CCDC102B: variants seen among roughly 807,000 people sequenced by gnomAD.
CCDC102B encodes the protein coiled-coil domain-containing protein 102B.
CCDC102B carries 75 observed loss-of-function variants against 57.4 expected under a neutral mutation model. The observed-to-expected ratio is 1.31, with a 90% CI of 1.08 to 1.58. The LOEUF is 1.58. Ranked by LOEUF, CCDC102B falls within the 40% of genes most tolerant of loss-of-function variation. CCDC102B has a pLI of 0.00. For missense variants in CCDC102B, 636 were observed against 582.6 expected (o/e 1.09, Z -0.94); for synonymous variants, 206 against 201.9 (o/e 1.02, Z -0.17).
At chr18:69,051,622 TA>T (rs1218860944) in intron 7 of CCDC102B, among the ~76,000 whole-genome samples, 1 of 151,978 alleles carries the variant, frequency 6.6e-6, no homozygotes, top group African/African-American at 2.4e-5. Flanking sequence ...CTATTGTATG[TA>T]AAACTTTATA....
chr18:68,957,083 T>C (rs1211583649), intron 6 of CCDC102B, among the ~76,000 whole-genome samples: 1 of 152,108 alleles, frequency 6.6e-6, no homozygotes, highest in Admixed American at 6.6e-5. Context: ...CTAGGTTGCC[T>C]TTTCACTTTG....
intron 2 of CCDC102B, among the ~76,000 whole-genome samples, chr18:68,731,341 A>T (rs759929266): frequency 7.9e-5 from 12 of 151,982 alleles, no homozygotes; most frequent in Non-Finnish European, 1.5e-4. Context: ...ATGATCACAA[A>T]CCCCTATAAT....
intron 2 of CCDC102B, among the ~76,000 whole-genome samples, chr18:68,735,183 C>A (rs1340281224): frequency 6.6e-6 from 1 of 151,834 alleles, no homozygotes; most frequent in Non-Finnish European, 1.5e-5. Flanking sequence ...TCCTGAGTAA[C>A]TGAGACTACA....
At chr18:68,853,268 C>CT (rs1474708986) in intron 4 of CCDC102B, among the ~76,000 whole-genome samples, 1 of 151,992 alleles carries the variant, frequency 6.6e-6, no homozygotes, top group East Asian at 1.9e-4. Flanking sequence ...ATAAAATATA[C>CT]TTTTTTAAGA....
intron 4 of CCDC102B, among the ~76,000 whole-genome samples, chr18:68,858,462 C>G (rs1214428025): frequency 2.6e-5 from 4 of 152,088 alleles, no homozygotes; most frequent in African/African-American, 7.2e-5. Context: ...AATTTCTGGT[C>G]ATTATATTTT....
chr18:69,010,292 A>AT (rs1488562057), intron 6 of CCDC102B, among the ~76,000 whole-genome samples: 3 of 151,800 alleles, frequency 2.0e-5, no homozygotes, highest in African/African-American at 7.3e-5. Context: ...TACACTGTAA[A>AT]TTTTTACTAA....
chr18:68,997,646 G>A (rs1195836323), intron 6 of CCDC102B, among the ~76,000 whole-genome samples: 2 of 151,734 alleles, frequency 1.3e-5, no homozygotes, highest in African/African-American at 4.8e-5. Flanking sequence ...TGCATTTCAT[G>A]TTATTTAATT....
rs139160920 is a variant in CCDC102B, at chr18:68,815,677, T to TACATACACACACACACAC, written c.-16+17499_-16+17500insTACACACACACACACACA. 2.8e-4 allele frequency among the ~76,000 whole-genome samples: 42 copies of TACATACACACACACACAC among 149,178 alleles called. 1 individual carries two copies. Among genetic ancestry groups the TACATACACACACACACAC allele is most frequent in the African/African-American group, 9.0e-4 (36 of 40,166 alleles). On this transcript the variant is annotated intron_variant, in intron 1 of 7. Coordinates refer to ENST00000360242, the MANE Select transcript of CCDC102B (RefSeq NM_024781.3). ...CAGCCACCCTTCACCTCCATTTACA[T>TACATACACACACACACAC]ACACACACACACACACACACACACA...
chr18:68,903,111 A>C (rs544655100), intron 6 of CCDC102B, among the ~76,000 whole-genome samples: 1 of 152,324 alleles, frequency 6.6e-6, no homozygotes, highest in South Asian at 2.1e-4. Context: ...TAGGCTCTAG[A>C]AGTCAGGATG....
intron 6 of CCDC102B, among the ~76,000 whole-genome samples, chr18:68,988,332 G>C (rs962655811): frequency 6.6e-6 from 1 of 152,096 alleles, no homozygotes; most frequent in Non-Finnish European, 1.5e-5. Context: ...TTATAAGTGG[G>C]AGATAAACTT....
intron 7 of CCDC102B, among the ~76,000 whole-genome samples, chr18:69,014,496 G>A (rs541130940): frequency 6.3e-4 from 96 of 152,218 alleles, no homozygotes; most frequent in Middle Eastern, 6.8e-3. Flanking sequence ...CATCTACCAA[G>A]TAGATTCCAT....
chr18:68,870,183 C>T (rs1236182071), intron 4 of CCDC102B, among the ~76,000 whole-genome samples: 2 of 151,882 alleles, frequency 1.3e-5, no homozygotes, highest in South Asian at 2.1e-4. Context: ...CATCACACAC[C>T]GGAGCCTGTC....
chr18:68,790,184 C>G (rs1481519413), intron 2 of CCDC102B, among the ~76,000 whole-genome samples: 7 of 151,336 alleles, frequency 4.6e-5, no homozygotes, highest in Admixed American at 2.0e-4. Flanking sequence ...GCAGTCTGCC[C>G]ATTCTCAGAT....
At chr18:68,884,583 TAC>T (rs35333428) in intron 5 of CCDC102B, among the ~76,000 whole-genome samples, 22,575 of 147,768 alleles carry the variant, frequency 0.15, 2,593 homozygotes, top group African/African-American at 0.32. Context: ...ACAATACAAA[TAC>T]ACACACACAC....
At chr18:68,976,808 C>CT (rs1302022279) in intron 6 of CCDC102B, among the ~76,000 whole-genome samples, 3 of 151,366 alleles carry the variant, frequency 2.0e-5, no homozygotes, top group Non-Finnish European at 3.0e-5. Flanking sequence ...TTTCCTTGGC[C>CT]TTTTTTTTAC....
intron 2 of CCDC102B, chr18:68,734,752 C>CA (rs1384764853): frequency 1.3e-5 from 2 of 152,094 alleles, no homozygotes; most frequent in African/African-American, 4.8e-5. Flanking sequence ...AGGATGAAGA[C>CA]AAAGTGTGTG....
chr18:68,821,111 A>G lies in CCDC102B; in HGVS notation c.-15-15638A>G, dbSNP rs376495394. ...TATTATGTAGAGGATGTCCCAAAGT[A>G]TTGGAGTTTGGTGATCCAAAAGCAA... On this transcript the variant is annotated intron_variant, in intron 1 of 7. Transcript: ENST00000360242. 1.3e-3 allele frequency among the ~76,000 whole-genome samples: 198 copies of G among 152,248 alleles called. 3 individuals carry two copies. The South Asian group carries it at 0.034, about 26-fold the overall frequency.
At chr18:69,050,196 C>CA (rs1462650204) in intron 7 of CCDC102B, among the ~76,000 whole-genome samples, 1 of 152,126 alleles carries the variant, frequency 6.6e-6, no homozygotes, top group Non-Finnish European at 1.5e-5. Context: ...TAATTCAACT[C>CA]ACAATGTTTG....
chr18:68,909,188 A>T (rs1374691674), intron 6 of CCDC102B, among the ~76,000 whole-genome samples: 1 of 152,172 alleles, frequency 6.6e-6, no homozygotes, highest in Non-Finnish European at 1.5e-5. Context: ...GAAGGGAAAA[A>T]AAAAGCAAAG....
Sources: gnomAD v4.1 joint callset for allele counts (sites outside exome capture counted in the v4.1 genomes callset) on GRCh38, gnomAD v4.1.1 for gene constraint, MANE v1.5 for transcripts, NCBI Gene and HGNC (gene_info 2026-07-23, HGNC 2026-07-21) for gene names.